Variants in ULK4 observed in about 807,000 individuals in gnomAD.
ULK4 encodes the protein inactive serine/threonine-protein kinase ULK4.
In ULK4, 133 loss-of-function variants were observed where a neutral mutation model predicts 160.6. That is an observed-to-expected ratio of 0.83 (90% confidence interval 0.72 to 0.96). The LOEUF is 0.96. ULK4 is among the 40% of genes least tolerant of loss of function. ULK4 has a pLI of 0.00. For missense variants in ULK4, 1,580 were observed against 1,499.5 expected (o/e 1.05, Z -0.89); for synonymous variants, 534 against 539.8 (o/e 0.99, Z 0.15).
intron 17 of ULK4, among the ~76,000 whole-genome samples, chr3:41,879,191 G>A (rs1477943440): frequency 2.0e-5 from 3 of 152,042 alleles, no homozygotes; most frequent in Non-Finnish European, 4.4e-5. Flanking sequence ...AAGAAAATCT[G>A]AACACTAACT....
At chr3:41,724,410 T>G (rs1423951632) in intron 22 of ULK4, among the ~76,000 whole-genome samples, 1 of 152,120 alleles carries the variant, frequency 6.6e-6, no homozygotes, top group Non-Finnish European at 1.5e-5. Flanking sequence ...CAATTTATAC[T>G]CCAACAGGTA....
chr3:41,591,883 A>G (rs1349616518), intron 31 of ULK4, among the ~76,000 whole-genome samples: 1 of 152,224 alleles, frequency 6.6e-6, no homozygotes, highest in East Asian at 1.9e-4. Context: ...AATAGATAAA[A>G]AATTACAATT....
chr3:41,408,023 T>A (rs1045961476), intron 34 of ULK4, among the ~76,000 whole-genome samples: 3 of 152,132 alleles, frequency 2.0e-5, no homozygotes, highest in African/African-American at 7.2e-5. Context: ...AAAAATCAAT[T>A]GTATTTCTAT....
At chr3:41,670,541 AC>A (rs1270835362) in intron 29 of ULK4, among the ~76,000 whole-genome samples, 1 of 151,924 alleles carries the variant, frequency 6.6e-6, no homozygotes, top group Non-Finnish European at 1.5e-5. Context: ...GGGTGGGAAA[AC>A]CTATATATAC....
chr3:41,882,351 A>G (rs1232468142), intron 17 of ULK4: 4 of 694,910 alleles, frequency 5.8e-6, no homozygotes, highest in Non-Finnish European at 1.0e-5. Context: ...GATAAAGTAG[A>G]ACAATGGGGT....
chr3:41,734,303 T>A (rs1314645922), intron 22 of ULK4, among the ~76,000 whole-genome samples: 4 of 152,182 alleles, frequency 2.6e-5, no homozygotes, highest in Non-Finnish European at 5.9e-5. Flanking sequence ...TTTGAGTAAC[T>A]GCATATAGTG....
At chr3:41,504,987 G>A (rs182133983) in intron 32 of ULK4, among the ~76,000 whole-genome samples, 5 of 152,222 alleles carry the variant, frequency 3.3e-5, no homozygotes, top group African/African-American at 9.6e-5. Flanking sequence ...TCTTACAGAT[G>A]AGGAAGAAGT....
At chr3:41,840,698 T>G (rs2041890523) in intron 17 of ULK4, among the ~76,000 whole-genome samples, 1 of 152,114 alleles carries the variant, frequency 6.6e-6, no homozygotes, top group African/African-American at 2.4e-5. Flanking sequence ...CAGGCTGGAG[T>G]GCAGTGGTGT....
At chr3:41,608,493 G>A (rs977115779) in intron 31 of ULK4, among the ~76,000 whole-genome samples, 1 of 152,096 alleles carries the variant, frequency 6.6e-6, no homozygotes, top group Non-Finnish European at 1.5e-5. Flanking sequence ...ACATTCATTG[G>A]TTTCATATTG....
chr3:41,841,882 G>A (rs1435320032), intron 17 of ULK4, among the ~76,000 whole-genome samples: 1 of 152,086 alleles, frequency 6.6e-6, no homozygotes, highest in African/African-American at 2.4e-5. Flanking sequence ...TCAACTCAGG[G>A]TTAAATGGAT....
At position 41,955,042 on chromosome 3, in the gene ULK4, G is replaced by A. The variant is rs1353300959; in HGVS notation, c.-48-235C>T. Among the ~76,000 whole-genome samples, 3 of 152,228 alleles carry A rather than the reference G, an allele frequency of 2.0e-5. No individual in the cohort carries two copies. The East Asian group carries it at 5.8e-4, about 29-fold the overall frequency. On this transcript the variant is annotated intron_variant, in intron 1 of 36. Coordinates refer to ENST00000301831, the MANE Select transcript of ULK4 (RefSeq NM_017886.4). Reference sequence around the variant, plus strand: ...GCAGTGGCTCACGCCTGTAATCCCAGCACTTTGGGAGGCCGAGGCAGGGGG... The same window carrying A: ...GCAGTGGCTCACGCCTGTAATCCCAACACTTTGGGAGGCCGAGGCAGGGGG...
At chr3:41,441,520 A>C (rs1403115833) in intron 34 of ULK4, among the ~76,000 whole-genome samples, 3 of 152,012 alleles carry the variant, frequency 2.0e-5, no homozygotes, top group South Asian at 4.1e-4. Context: ...ATTTCTCTAT[A>C]TTACAAAATA....
chr3:41,539,446 G>C (rs980625925), intron 32 of ULK4, among the ~76,000 whole-genome samples: 4 of 152,078 alleles, frequency 2.6e-5, no homozygotes, highest in African/African-American at 9.7e-5. Context: ...CTTATTTTCT[G>C]AAGCTCACTG....
chr3:41,741,621 T>C (rs2038241412), intron 22 of ULK4, among the ~76,000 whole-genome samples: 1 of 152,002 alleles, frequency 6.6e-6, no homozygotes, highest in South Asian at 2.1e-4. Context: ...CAAAGCAATG[T>C]GTATTGTTAA....
intron 2 of ULK4, among the ~76,000 whole-genome samples, chr3:41,944,727 G>C (rs1183750169): frequency 6.6e-6 from 1 of 152,076 alleles, no homozygotes; most frequent in Non-Finnish European, 1.5e-5. Context: ...ACAGGAATGA[G>C]CCAGTAAGCC....
intron 35 of ULK4, among the ~76,000 whole-genome samples, chr3:41,343,568 T>G (rs2080734315): frequency 6.6e-6 from 1 of 151,816 alleles, no homozygotes; most frequent in Non-Finnish European, 1.5e-5. Context: ...CCTCCCAAAG[T>G]GCTGGGATTA....
At chr3:41,564,430 G>A (rs2087713496) in intron 32 of ULK4, among the ~76,000 whole-genome samples, 2 of 149,568 alleles carry the variant, frequency 1.3e-5, no homozygotes, top group Admixed American at 1.4e-4. Flanking sequence ...GTCAGACAGG[G>A]ACGTTTCTTC....
At chr3:41,799,729 GGTGCATGCCTGTA>G (rs1297446263) in intron 20 of ULK4, among the ~76,000 whole-genome samples, 1 of 152,052 alleles carries the variant, frequency 6.6e-6, no homozygotes, top group East Asian at 1.9e-4. Flanking sequence ...CAGGCCTGGT[GGTGCATGCCTGTA>G]GTCCCAGCTA....
chr3:41,443,228 C>T (rs1043405079), intron 34 of ULK4, among the ~76,000 whole-genome samples: 1 of 152,210 alleles, frequency 6.6e-6, no homozygotes, highest in Non-Finnish European at 1.5e-5. Flanking sequence ...ATCCTACAGT[C>T]AGCTCTTTCT....
Sources: gnomAD v4.1 joint callset for allele counts (sites outside exome capture counted in the v4.1 genomes callset) on GRCh38, gnomAD v4.1.1 for gene constraint, MANE v1.5 for transcripts, NCBI Gene and HGNC (gene_info 2026-07-23, HGNC 2026-07-21) for gene names.